Variants in XKR9 observed in about 807,000 individuals in gnomAD.
XKR9 encodes the protein XK-related protein 9.
XKR9 carries 32 observed loss-of-function variants against 32.0 expected under a neutral mutation model. That is an observed-to-expected ratio of 1.00 (90% CI 0.76 to 1.34). The LOEUF is 1.34. Ranked by LOEUF, XKR9 falls within the 40% of genes most tolerant of loss-of-function variation. The pLI, the probability that XKR9 is intolerant of heterozygous loss-of-function variation, is 0.00. For missense variants in XKR9, 546 were observed against 429.7 expected (o/e 1.27, Z -2.39); for synonymous variants, 168 against 143.4 (o/e 1.17, Z -1.22).
At chr8:70,884,805 A>T in the XKR9 span, among the ~76,000 whole-genome samples, 2 of 152,180 alleles carry the variant, frequency 1.3e-5, no homozygotes, top group Non-Finnish European at 2.9e-5. Context: ...AGTAAGTCTT[A>T]AAGTCAGGTA....
At chr8:70,710,704 A>AAAC (rs3085684) in intron 4 of XKR9, among the ~76,000 whole-genome samples, 4 of 138,472 alleles carry the variant, frequency 2.9e-5, no homozygotes, top group Admixed American at 2.8e-4. Context: ...ACTCCATCTC[A>AAAC]AACAACAACA....
the XKR9 span, among the ~76,000 whole-genome samples, chr8:71,003,869 A>T: frequency 6.6e-6 from 1 of 152,206 alleles, no homozygotes; most frequent in South Asian, 2.1e-4. Context: ...TATTTCCTAG[A>T]GATAAAACGT....
At chr8:70,949,223 G>A in the XKR9 span, among the ~76,000 whole-genome samples, 1 of 152,216 alleles carries the variant, frequency 6.6e-6, no homozygotes, top group Non-Finnish European at 1.5e-5. Context: ...TTTCATGCAA[G>A]TAGTAGCCTC....
At chr8:70,810,229 C>T in the XKR9 span, among the ~76,000 whole-genome samples, 3 of 152,270 alleles carry the variant, frequency 2.0e-5, no homozygotes, top group Admixed American at 2.0e-4. Context: ...ACTTTACAGA[C>T]AAGCAAATGC....
chr8:70,741,094 G>T (rs562009146), intron 2 of XKR9, among the ~76,000 whole-genome samples: 1 of 152,268 alleles, frequency 6.6e-6, no homozygotes, highest in South Asian at 2.1e-4. Context: ...GAGGCAGGCA[G>T]GCCTCCTTGA....
At chr8:70,883,567 G>T in the XKR9 span, among the ~76,000 whole-genome samples, 1 of 152,014 alleles carries the variant, frequency 6.6e-6, no homozygotes, top group Non-Finnish European at 1.5e-5. Flanking sequence ...GTTTCCCATA[G>T]AACCACTGAT....
the XKR9 span, among the ~76,000 whole-genome samples, chr8:70,827,252 GTTGT>G: frequency 6.6e-6 from 1 of 152,050 alleles, no homozygotes; most frequent in Non-Finnish European, 1.5e-5. Flanking sequence ...TGTGATTTGT[GTTGT>G]TTATTTTCAT....
At chr8:71,041,752 C>A in the XKR9 span, among the ~76,000 whole-genome samples, 2 of 152,180 alleles carry the variant, frequency 1.3e-5, no homozygotes, top group African/African-American at 2.4e-5. Flanking sequence ...CTTTCTCTCT[C>A]TCTCTGTCTC....
At chr8:70,940,978 G>A in the XKR9 span, among the ~76,000 whole-genome samples, 1 of 151,992 alleles carries the variant, frequency 6.6e-6, no homozygotes, top group Non-Finnish European at 1.5e-5. Context: ...TATTATTTTA[G>A]TGAAGTGAAG....
the XKR9 span, among the ~76,000 whole-genome samples, chr8:70,901,025 A>G: frequency 6.6e-6 from 1 of 152,192 alleles, no homozygotes; most frequent in East Asian, 1.9e-4. Flanking sequence ...TTCATGGTAT[A>G]TATGTGCCAC....
intron 4 of XKR9, among the ~76,000 whole-genome samples, chr8:70,728,303 G>A (rs1003301121): frequency 9.2e-5 from 14 of 152,150 alleles, no homozygotes; most frequent in African/African-American, 3.1e-4. Flanking sequence ...GAAAAAGGGC[G>A]AAGACTTCTC....
chr8:70,759,528 A>G (rs1340531854), intron 2 of XKR9, among the ~76,000 whole-genome samples: 1 of 152,220 alleles, frequency 6.6e-6, no homozygotes, highest in Non-Finnish European at 1.5e-5. Flanking sequence ...TACAACAGTA[A>G]ATAGAAAACA....
intron 3 of XKR9, chr8:70,789,501 G>C (rs1807735190): frequency 6.6e-6 from 1 of 152,076 alleles, no homozygotes; most frequent in South Asian, 2.1e-4. Context: ...ATGGTGGTCA[G>C]CTCTGTCTCA....
In XKR9 at chr8:70,734,459, T is replaced by C; in HGVS notation, c.*35T>C. 6.8e-7 allele frequency: 1 copy of C among 1,461,098 alleles called. No individual in the cohort carries two copies. The highest frequency in any genetic ancestry group is 9.0e-7 in the Non-Finnish European group (1 of 1,117,316). The allele number at this position is 1,461,098 out of a possible 1,614,324, so 90.5% of individuals were successfully genotyped here. A position where few individuals can be genotyped will look rare whatever the true frequency, so the allele number is the denominator to read the frequency against. ...TTATGATATATATTTTCTTATATTT[T>C]GTTTCATTGGTTAGTAAAGAAAATG... is the stretch of plus-strand genomic sequence containing the variant. On this transcript the variant is annotated 3_prime_UTR_variant, in exon 5 of 5. Transcript: ENST00000408926.
At chr8:70,740,870 G>A (rs1169018305), downstream of XKR9, among the ~76,000 whole-genome samples, 1 of 152,242 alleles carries the variant, frequency 6.6e-6, no homozygotes, top group Non-Finnish European at 1.5e-5. Flanking sequence ...GTGTCAGTCT[G>A]CCCCTCCTGG....
chr8:70,939,764 G>GA, the XKR9 span, among the ~76,000 whole-genome samples: 4 of 151,588 alleles, frequency 2.6e-5, no homozygotes, highest in African/African-American at 9.7e-5. Flanking sequence ...AATTAAAAAA[G>GA]AAAAAAAGAC....
At chr8:70,865,523 A>AT in the XKR9 span, among the ~76,000 whole-genome samples, 2 of 151,792 alleles carry the variant, frequency 1.3e-5, no homozygotes, top group African/African-American at 2.4e-5. Context: ...TTAATTTTCA[A>AT]TTTTTTTAAA....
chr8:70,840,656 A>T, the XKR9 span, among the ~76,000 whole-genome samples: 2 of 152,006 alleles, frequency 1.3e-5, no homozygotes, highest in Admixed American at 1.3e-4. Flanking sequence ...AAGAGAAAAG[A>T]CTCACTCCAT....
the XKR9 span, among the ~76,000 whole-genome samples, chr8:71,059,145 C>A: frequency 1.3e-5 from 2 of 152,352 alleles, no homozygotes; most frequent in Admixed American, 6.5e-5. Flanking sequence ...ATGATTAATA[C>A]TTTTCTGTGC....
Sources: gnomAD v4.1 joint callset for allele counts (sites outside exome capture counted in the v4.1 genomes callset) on GRCh38, gnomAD v4.1.1 for gene constraint, MANE v1.5 for transcripts, NCBI Gene and HGNC (gene_info 2026-07-23, HGNC 2026-07-21) for gene names.